The following SHB variants were observed in gnomAD, a reference collection of about 807,000 sequenced individuals.
SHB encodes SH2 domain containing adaptor protein B.
Under a neutral mutation model 52.3 loss-of-function variants are expected in SHB, and 20 were observed. The observed-to-expected ratio is 0.38, with a 90% CI of 0.27 to 0.56. The LOEUF (loss-of-function observed/expected upper bound fraction) is 0.56, where lower values mean the gene tolerates loss of function less well. Among genes scored for constraint, SHB ranks in the 20% least tolerant of loss-of-function variants. The probability of loss-of-function intolerance (pLI) is 0.71; values close to 1 mark genes in which losing one functional copy is unlikely to be tolerated. For synonymous variants in SHB, 397 were observed against 316.5 expected (o/e 1.25, Z -2.70); for missense variants, 825 against 723.3 (o/e 1.14, Z -1.61).
chr9:37,928,478 T>C (rs1832275046), intron 5 of SHB, among the ~76,000 whole-genome samples: 1 of 152,214 alleles, frequency 6.6e-6, no homozygotes, highest in Non-Finnish European at 1.5e-5. Context: ...ATACTCGCAA[T>C]GTCTTGGTAC....
At chr9:38,029,711 G>C (rs749916620) in intron 1 of SHB, among the ~76,000 whole-genome samples, 1 of 152,026 alleles carries the variant, frequency 6.6e-6, no homozygotes, top group Non-Finnish European at 1.5e-5. Context: ...GGCTGCTCTC[G>C]AACTCCTGAC....
chr9:37,952,003 GT>G (rs1832572459), intron 4 of SHB, among the ~76,000 whole-genome samples: 1 of 152,212 alleles, frequency 6.6e-6, no homozygotes, highest in Admixed American at 6.5e-5. Context: ...ACCTCGTGGG[GT>G]TGGCCAGTCA....
intron 1 of SHB, among the ~76,000 whole-genome samples, chr9:38,054,226 C>T (rs1313625606): frequency 1.1e-4 from 16 of 152,232 alleles, no homozygotes; most frequent in Admixed American, 7.8e-4. Flanking sequence ...GGAGCAACAG[C>T]CCTGGGCTCC....
chr9:38,063,289 C>T (rs1016805385), intron 1 of SHB, among the ~76,000 whole-genome samples: 53 of 152,326 alleles, frequency 3.5e-4, no homozygotes, highest in African/African-American at 1.2e-3. Flanking sequence ...CAATCAAGCC[C>T]TACATCAATG....
intron 2 of SHB, among the ~76,000 whole-genome samples, chr9:37,983,917 A>G (rs191322381): frequency 8.6e-4 from 131 of 152,308 alleles, no homozygotes; most frequent in African/African-American, 3.0e-3. Context: ...GGTCCAGGTG[A>G]ACCGACAGGC....
At chr9:38,058,732 C>T (rs942174783) in intron 1 of SHB, among the ~76,000 whole-genome samples, 4 of 152,188 alleles carry the variant, frequency 2.6e-5, no homozygotes, top group African/African-American at 9.7e-5. Flanking sequence ...ACCTGCTCCG[C>T]TCAGTCATAT....
intron 1 of SHB, among the ~76,000 whole-genome samples, chr9:38,061,325 A>C (rs1821888914): frequency 1.3e-5 from 2 of 151,812 alleles, no homozygotes; most frequent in Admixed American, 1.3e-4. Context: ...AAAAAAAAAA[A>C]AAAGAAATAG....
At chr9:37,934,865 T>C (rs1832350580) in intron 5 of SHB, among the ~76,000 whole-genome samples, 1 of 152,218 alleles carries the variant, frequency 6.6e-6, no homozygotes, top group Non-Finnish European at 1.5e-5. Context: ...TTCATTTTAT[T>C]ATTTGGCTTG....
chr9:37,937,497 G>A (rs899526943), intron 5 of SHB, among the ~76,000 whole-genome samples: 2 of 151,556 alleles, frequency 1.3e-5, no homozygotes, highest in South Asian at 4.2e-4. Flanking sequence ...ATTATTAAAA[G>A]TGGCAAACAC....
intron 1 of SHB, among the ~76,000 whole-genome samples, chr9:38,033,474 G>A (rs916700560): frequency 2.6e-5 from 4 of 152,150 alleles, no homozygotes; most frequent in African/African-American, 7.2e-5. Context: ...ACTTGAGCCC[G>A]CGAGTTCGAG....
At chr9:38,000,209 G>C (rs1445381314) in intron 2 of SHB, among the ~76,000 whole-genome samples, 1 of 152,232 alleles carries the variant, frequency 6.6e-6, no homozygotes, top group African/African-American at 2.4e-5. Context: ...GACCAGGCCA[G>C]GCCAGACCAC....
At chr9:37,955,765 G>C in intron 4 of SHB, 118 bp downstream of exon 4, 3 of 974,218 alleles carry the variant, frequency 3.1e-6, no homozygotes, top group Non-Finnish European at 4.6e-6. Context: ...TGGGATTACA[G>C]GTGTGAGCCA....
chr9:38,056,622 G>T (rs145483230), intron 1 of SHB, among the ~76,000 whole-genome samples: 13 of 152,196 alleles, frequency 8.5e-5, no homozygotes, highest in African/African-American at 3.1e-4. Context: ...GTGAGCCACC[G>T]CGCCCACATG....
At chr9:38,009,481 G>A (rs1002232982) in intron 2 of SHB, among the ~76,000 whole-genome samples, 1 of 152,220 alleles carries the variant, frequency 6.6e-6, no homozygotes, top group Non-Finnish European at 1.5e-5. Flanking sequence ...TAGAGATGAG[G>A]GAACTGAAGC....
At chr9:37,935,863 C>T (rs1376701184) in intron 5 of SHB, among the ~76,000 whole-genome samples, 2 of 151,898 alleles carry the variant, frequency 1.3e-5, no homozygotes, top group East Asian at 1.9e-4. Context: ...AAGACAGAGC[C>T]GGAACCAGAA....
chr9:37,985,335 G>C (rs924025547), intron 2 of SHB, among the ~76,000 whole-genome samples: 2 of 152,240 alleles, frequency 1.3e-5, no homozygotes, highest in Non-Finnish European at 2.9e-5. Flanking sequence ...TGAAGTACTC[G>C]AAGAGAGACA....
intron 1 of SHB, among the ~76,000 whole-genome samples, chr9:38,024,727 T>C (rs1821320379): frequency 6.6e-6 from 1 of 152,160 alleles, no homozygotes; most frequent in African/African-American, 2.4e-5. Context: ...AACTCAGAAA[T>C]ACCTCAATCC....
chr9:38,064,996 C>T (rs1821942496), intron 1 of SHB, among the ~76,000 whole-genome samples: 1 of 152,104 alleles, frequency 6.6e-6, no homozygotes, highest in Admixed American at 6.5e-5. Context: ...CAGTACATGG[C>T]CCCAGTTACT....
chr9:38,045,750 G>A (rs980832369), intron 1 of SHB, among the ~76,000 whole-genome samples: 6 of 152,178 alleles, frequency 3.9e-5, no homozygotes, highest in African/African-American at 4.8e-5. Flanking sequence ...TTAAAAAGAC[G>A]TATGTTTTTT....
Sources: gnomAD v4.1 joint callset for allele counts (sites outside exome capture counted in the v4.1 genomes callset) on GRCh38, gnomAD v4.1.1 for gene constraint, MANE v1.5 for transcripts, NCBI Gene and HGNC (gene_info 2026-07-23, HGNC 2026-07-21) for gene names.